Variants in NPAS2 observed in about 807,000 individuals in gnomAD.
NPAS2 encodes the protein neuronal PAS domain protein 2, also known as neuronal PAS domain-containing protein 2.
In NPAS2, 23 loss-of-function variants were observed where a neutral mutation model predicts 107.5. That is an observed-to-expected ratio of 0.21 (90% confidence interval 0.15 to 0.30). The LOEUF (loss-of-function observed/expected upper bound fraction) is 0.30. Among genes scored for constraint, NPAS2 ranks in the 10% least tolerant of loss-of-function variants. The pLI, the probability that NPAS2 is intolerant of heterozygous loss-of-function variation, is 1.00. For missense variants in NPAS2, 756 were observed against 1,043.3 expected (o/e 0.72, Z 3.79); for synonymous variants, 403 against 417.5 (o/e 0.97, Z 0.42).
At chr2:100,984,061 C>T (rs935730454) in intron 16 of NPAS2, 1 of 152,198 alleles carries the variant, frequency 6.6e-6, no homozygotes, top group African/African-American at 2.4e-5. Context: ...TGACCTATGC[C>T]TTTGGTTAAC....
At chr2:100,842,045 G>T in intron 1 of NPAS2, among the ~76,000 whole-genome samples, 1 of 150,410 alleles carries the variant, frequency 6.6e-6, no homozygotes, top group Non-Finnish European at 1.5e-5. Flanking sequence ...ATATACATGT[G>T]CACATGCATG....
At chr2:100,819,317 C>G (rs1218449347), upstream of NPAS2, among the ~76,000 whole-genome samples, 1 of 152,122 alleles carries the variant, frequency 6.6e-6, no homozygotes, top group Non-Finnish European at 1.5e-5. This position sits in a 1 kb window ranked among gnomAD's most constrained non-coding sequence, Gnocchi z 5.8. Context: ...GTGCCCCTGC[C>G]GGGGAGGGGG....
intron 17 of NPAS2, chr2:100,989,232 T>C (rs1256881225): frequency 1.3e-5 from 2 of 154,788 alleles, no homozygotes; most frequent in Non-Finnish European, 2.9e-5. Flanking sequence ...TCAGCTGAGC[T>C]CCTGGAATTC....
At chr2:100,990,492 C>G (rs1242716804) in intron 18 of NPAS2, 46 bp downstream of exon 18, 1 of 1,582,274 alleles carries the variant, frequency 6.3e-7, no homozygotes, top group Non-Finnish European at 8.7e-7. Context: ...CATCATTTTA[C>G]CCCATTCATT....
rs191371265 is a variant in NPAS2 at position 100,869,970 on chromosome 2, T to G, written c.-22-34763T>G. Reference sequence around the variant, plus strand: ...CCCAGGCTGGAGTGCAGTGGCACGATCTTGGCTCACTGCAAGCTCTGCCTC... The same window carrying G: ...CCCAGGCTGGAGTGCAGTGGCACGAGCTTGGCTCACTGCAAGCTCTGCCTC... On this transcript the variant is annotated intron_variant, in intron 1 of 20. Coordinates refer to ENST00000335681, the MANE Select transcript of NPAS2 (RefSeq NM_002518.4). Among the ~76,000 whole-genome samples, 47 of 147,460 alleles carry G rather than the reference T, an allele frequency of 3.2e-4. No homozygotes were observed. The East Asian group carries it at 9.4e-3, about 29-fold the overall frequency.
intron 10 of NPAS2, among the ~76,000 whole-genome samples, chr2:100,967,143 G>A (rs1157195892): frequency 6.6e-6 from 1 of 151,800 alleles, no homozygotes; most frequent in East Asian, 1.9e-4. Flanking sequence ...CTTCTCCATG[G>A]CTTGGGCAAG....
chr2:100,884,630 T>A (rs1162912416), intron 1 of NPAS2, among the ~76,000 whole-genome samples: 2 of 152,134 alleles, frequency 1.3e-5, no homozygotes, highest in Non-Finnish European at 2.9e-5. Context: ...ATTTATGACC[T>A]CAAAATGTTT....
At chr2:100,833,029 A>G (rs1676841476) in intron 1 of NPAS2, among the ~76,000 whole-genome samples, 1 of 152,130 alleles carries the variant, frequency 6.6e-6, no homozygotes, top group Non-Finnish European at 1.5e-5. Context: ...TCTTGCATCT[A>G]TTGCAGCCTG....
intron 1 of NPAS2, among the ~76,000 whole-genome samples, chr2:100,903,875 G>A (rs1282087995): frequency 2.0e-5 from 3 of 152,158 alleles, no homozygotes; most frequent in Non-Finnish European, 2.9e-5. Flanking sequence ...CCAGGGCTAT[G>A]CAGCTCTGAG....
chr2:100,982,528 A>AT, intron 16 of NPAS2, 151 bp downstream of exon 16: 1 of 874,918 alleles, frequency 1.1e-6, no homozygotes, highest in Non-Finnish European at 1.7e-6. Context: ...AGTCTCTGCA[A>AT]AGGACAAGGA....
At chr2:100,964,966 T>C (rs1267420619) in intron 9 of NPAS2, 23 bp downstream of exon 9, 1 of 1,504,190 alleles carries the variant, frequency 6.6e-7, no homozygotes, top group East Asian at 2.4e-5. Context: ...AAAAACATAT[T>C]TGGGTTGGGC....
intron 5 of NPAS2, among the ~76,000 whole-genome samples, chr2:100,939,237 C>T (rs772222893): frequency 2.6e-5 from 4 of 152,204 alleles, no homozygotes; most frequent in Non-Finnish European, 4.4e-5. Context: ...ATTCGCTGAG[C>T]GGTGGCCCAC....
In NPAS2 at chr2:100,828,241, A is replaced by T. The variant is rs1273681775; in HGVS notation, c.-23+7827A>T. Among the ~76,000 whole-genome samples, 4 of 151,986 alleles carry T rather than the reference A, an allele frequency of 2.6e-5. No homozygotes were observed. In the East Asian group the frequency reaches 7.7e-4, roughly 29 times the overall value. On this transcript the variant is annotated intron_variant, in intron 1 of 20. Coordinates refer to ENST00000335681, the MANE Select transcript of NPAS2 (RefSeq NM_002518.4). ...CTGTTCATGTATTTTGCCTATTTTT[A>T]AATATGGTTTTTGTTTTTTTTGCTT... is the stretch of plus-strand genomic sequence containing the variant.
intron 1 of NPAS2, among the ~76,000 whole-genome samples, chr2:100,859,321 G>A (rs1678788813): frequency 6.6e-6 from 1 of 152,188 alleles, no homozygotes; most frequent in Non-Finnish European, 1.5e-5. Context: ...TGGAAGCCAG[G>A]TCAAGTCTCT....
rs76821022 is a variant in NPAS2 at position 100,976,378 on chromosome 2, C to T, written c.1392+811C>T. On this transcript the variant is annotated intron_variant, in intron 14 of 20. Coordinates refer to ENST00000335681, the MANE Select transcript of NPAS2 (RefSeq NM_002518.4). This position sits in a 1 kb window ranked among gnomAD's most constrained non-coding sequence, Gnocchi z 4.1. ...GACTCCAGGTTCCAAGAGGAGACAC[C>T]TGGAGACGCAGGCAGGAACCATGCA... Among the ~76,000 whole-genome samples, 1,052 of 152,174 alleles carry T rather than the reference C, an allele frequency of 6.9e-3. 16 individuals are homozygous for T. The highest frequency in any genetic ancestry group is 0.024 in the African/African-American group (1,012 of 41,516).
chr2:100,849,842 G>A (rs182412811), intron 1 of NPAS2, among the ~76,000 whole-genome samples: 62 of 152,000 alleles, frequency 4.1e-4, no homozygotes, highest in African/African-American at 1.5e-3. Flanking sequence ...ATTTGATGTT[G>A]GCTAAAAGAG....
chr2:100,961,726 T>C (rs1675926653), intron 7 of NPAS2, among the ~76,000 whole-genome samples: 1 of 152,178 alleles, frequency 6.6e-6, no homozygotes, highest in South Asian at 2.1e-4. Flanking sequence ...CACTTCACAA[T>C]CTTTTTCTGT....
chr2:100,901,824 G>A (rs1371061280), intron 1 of NPAS2, among the ~76,000 whole-genome samples: 5 of 151,926 alleles, frequency 3.3e-5, no homozygotes, highest in African/African-American at 9.7e-5. Flanking sequence ...GAGCCCCCCT[G>A]TAAGTCAGCA....
intron 17 of NPAS2, 192 bp downstream of exon 17, chr2:100,988,468 G>A (rs1677900895): frequency 3.4e-6 from 2 of 584,694 alleles, no homozygotes; most frequent in South Asian, 2.2e-5. Flanking sequence ...ACCCCAAGTT[G>A]TATTGGCTTC....
Sources: allele counts gnomAD v4.1 joint callset (sites outside exome capture counted in the v4.1 genomes callset), GRCh38; gene constraint gnomAD v4.1.1; non-coding constraint Gnocchi (gnomAD v3.1); transcripts MANE v1.5; gene names NCBI Gene and HGNC (gene_info 2026-07-23, HGNC 2026-07-21).